NCOR1: variants seen among roughly 807,000 people sequenced by gnomAD.
The protein encoded by NCOR1 is protein phosphatase 1, regulatory subunit 109.
NCOR1 carries 63 observed loss-of-function variants against 288.1 expected under a neutral mutation model. That is an observed-to-expected ratio of 0.22 (90% confidence interval 0.18 to 0.27). The LOEUF (loss-of-function observed/expected upper bound fraction) is 0.27, where lower values mean the gene tolerates loss of function less well. Ranked by LOEUF, NCOR1 falls within the 10% of genes least tolerant of loss-of-function variation. The probability of loss-of-function intolerance (pLI) is 1.00; values close to 1 mark genes in which losing one functional copy is unlikely to be tolerated. For synonymous variants in NCOR1, 1,007 were observed against 1,065.9 expected, an observed-to-expected ratio of 0.94 and a Z score of 1.08; for missense variants, 2,397 against 3,019.2, an observed-to-expected ratio of 0.79 and a Z score of 4.83.
intron 4 of NCOR1, among the ~76,000 whole-genome samples, chr17:16,168,254 GCAATGGCA>G (rs1190074907): frequency 1.3e-5 from 2 of 152,132 alleles, no homozygotes; most frequent in East Asian, 1.9e-4. Flanking sequence ...AGGCTGGAGT[GCAATGGCA>G]CAATCTCAGC....
intron 14 of NCOR1, among the ~76,000 whole-genome samples, chr17:16,126,426 G>C (rs2074057130): frequency 6.6e-6 from 1 of 151,928 alleles, no homozygotes; most frequent in Admixed American, 6.6e-5. Flanking sequence ...CATAGCATTT[G>C]GACCCACGAG....
At chr17:16,151,811 TA>T in intron 8 of NCOR1, 134 bp downstream of exon 8, 1 of 944,268 alleles carries the variant, frequency 1.1e-6, no homozygotes, top group Non-Finnish European at 1.6e-6. Flanking sequence ...TAACATATAA[TA>T]AAACGACAGC....
chr17:16,180,459 A>G (rs1319350363), intron 3 of NCOR1, among the ~76,000 whole-genome samples: 1 of 152,172 alleles, frequency 6.6e-6, no homozygotes, highest in East Asian at 1.9e-4. Context: ...CCACCTCATA[A>G]AGATATCTGG....
At chr17:16,047,840 T>C (rs71358386) in intron 41 of NCOR1, among the ~76,000 whole-genome samples, 6,036 of 152,264 alleles carry the variant, frequency 0.04, 171 homozygotes, top group Non-Finnish European at 0.059. Context: ...ACGTACTCTA[T>C]GCCAGGAAAG....
intron 3 of NCOR1, 117 bp downstream of exon 3, chr17:16,186,437 A>C: frequency 9.1e-7 from 1 of 1,094,496 alleles, no homozygotes; most frequent in South Asian, 1.9e-5. Context: ...CTCAAAATGC[A>C]AACTATAAAT....
At chr17:16,194,731 C>T in intron 1 of NCOR1, 92 bp from the exon 2 acceptor site, 2 of 434,554 alleles carry the variant, frequency 4.6e-6, no homozygotes, top group Non-Finnish European at 8.3e-6. Flanking sequence ...TAAATAAAAC[C>T]ACAATTACCA....
Position 16,177,106 on chromosome 17 carries a change from A to T in NCOR1, c.243-5111T>A, listed in dbSNP as rs149803374. On this transcript the variant is annotated intron_variant, in intron 3 of 45. Coordinates refer to ENST00000268712, the MANE Select transcript of NCOR1 (RefSeq NM_006311.4). ...CTGCACTCACTCTAATTATATCAAG[A>T]CTTTGTTCTAAGACAAGGTTTACCT... 8.7e-4 allele frequency among the ~76,000 whole-genome samples: 133 copies of T among 152,036 alleles called. 4 individuals carry two copies. The highest frequency in any genetic ancestry group is 3.1e-3 in the African/African-American group (129 of 41,364).
At chr17:16,205,643 GA>G (rs35190516) in intron 1 of NCOR1, among the ~76,000 whole-genome samples, 24 of 132,614 alleles carry the variant, frequency 1.8e-4, no homozygotes, top group African/African-American at 2.2e-4. Flanking sequence ...AAGAAAAGAA[GA>G]AAAAAAAAAA....
At chr17:16,182,800 A>C (rs2085768829) in intron 3 of NCOR1, among the ~76,000 whole-genome samples, 1 of 152,208 alleles carries the variant, frequency 6.6e-6, no homozygotes, top group Admixed American at 6.5e-5. Flanking sequence ...AGTGATCAGT[A>C]AAATGCTATT....
Position 16,048,992 on chromosome 17 carries a change from TTG to T in NCOR1, c.6393-6_6393-5del, listed in dbSNP as rs2058991705. On this transcript the variant is annotated splice_region_variant and splice_polypyrimidine_tract_variant and intron_variant, in intron 40 of 45. Transcript: ENST00000268712. Reference sequence around the variant, plus strand: ...CTCTGGGGATTTTCCAGGCCTACTATTGTAATATGTGAAATATTAGATTGTGT... The same window carrying T: ...CTCTGGGGATTTTCCAGGCCTACTATTAATATGTGAAATATTAGATTGTGT... 1.9e-6 allele frequency: 3 copies of T among 1,597,464 alleles called. No homozygotes were observed. Among genetic ancestry groups the T allele is most frequent in the Non-Finnish European group, 2.6e-6 (3 of 1,169,014 alleles).
intron 40 of NCOR1, among the ~76,000 whole-genome samples, chr17:16,053,017 T>C (rs1253334371): frequency 1.3e-5 from 2 of 152,084 alleles, no homozygotes; most frequent in African/African-American, 2.4e-5. Context: ...AAACTCTCAG[T>C]AAACTAGATA....
At chr17:16,191,635 C>G (rs1176234136) in intron 2 of NCOR1, among the ~76,000 whole-genome samples, 1 of 151,640 alleles carries the variant, frequency 6.6e-6, no homozygotes, top group Non-Finnish European at 1.5e-5. Context: ...AACAGAGGTC[C>G]AGTGAACTGT....
At chr17:16,118,920 A>C (rs2072364812) in intron 17 of NCOR1, among the ~76,000 whole-genome samples, 1 of 152,212 alleles carries the variant, frequency 6.6e-6, no homozygotes, top group Admixed American at 6.5e-5. Context: ...CAGGACTCAA[A>C]CCTTCGCTGG....
chr17:16,053,380 G>A (rs2059536930), intron 40 of NCOR1, among the ~76,000 whole-genome samples: 2 of 152,104 alleles, frequency 1.3e-5, no homozygotes, highest in South Asian at 2.1e-4. Flanking sequence ...AATCACTAGC[G>A]TTCCTATACA....
At position 16,186,702 on chromosome 17, in the gene NCOR1, A is replaced by T. The variant is rs1233552127; in HGVS notation, c.109-15T>A. 1.9e-6 allele frequency: 3 copies of T among 1,606,844 alleles called. No homozygotes were observed. In the African/African-American group the frequency reaches 4.0e-5, roughly 22 times the overall value. ...ACTGCGAACTCCTAGTATTAAAATA[A>T]TCATAAATCAATTATTAACCAAAAA... On this transcript the variant is annotated splice_polypyrimidine_tract_variant and intron_variant, in intron 2 of 45. Coordinates refer to ENST00000268712, the MANE Select transcript of NCOR1 (RefSeq NM_006311.4).
chr17:16,057,784 C>CAAA, intron 39 of NCOR1, 47 bp from the exon 40 acceptor site: 1 of 1,343,110 alleles, frequency 7.4e-7, no homozygotes, highest in Non-Finnish European at 1.0e-6. Flanking sequence ...TGAGTACTTG[C>CAAA]AAAAAAAAAA....
chr17:16,068,114 A>C lies in NCOR1; in HGVS notation c.4521T>G (p.Ile1507Met). Residue 1507 changes from isoleucine to methionine, a missense_variant, in exon 32 of 46, where the codon ATT (isoleucine) becomes ATG (methionine). This residue lies in a region of NCOR1 where 1,872 missense variants were observed against 2,187.8 expected (regional missense o/e 0.86). Transcript: ENST00000268712. ...PMMNRTSDVT[I>M]SSNKSTNHER... ...CATGATTGGTAGACTTGTTAGAAGA[A>C]ATTGTAACTGGAAAAAAAGAGCCAA... The C allele has an allele frequency of 6.2e-7, 1 of 1,606,974 alleles. No individual in the cohort carries two copies. Among genetic ancestry groups the C allele is most frequent in the Non-Finnish European group, 8.5e-7 (1 of 1,175,664 alleles).
intron 42 of NCOR1, among the ~76,000 whole-genome samples, chr17:16,045,322 T>C (rs1004516773): frequency 2.6e-5 from 4 of 152,108 alleles, no homozygotes; most frequent in Non-Finnish European, 5.9e-5. Flanking sequence ...TTACTAGATA[T>C]GTAACCTGTG....
chr17:16,187,794 G>A (rs2086998537), intron 2 of NCOR1, among the ~76,000 whole-genome samples: 1 of 151,764 alleles, frequency 6.6e-6, no homozygotes, highest in African/African-American at 2.4e-5. Flanking sequence ...CGGCTACTCT[G>A]TAGGCTAAGG....
Sources: allele counts gnomAD v4.1 joint callset (sites outside exome capture counted in the v4.1 genomes callset), GRCh38; gene constraint gnomAD v4.1.1; regional missense constraint gnomAD v4.1.1; transcripts MANE v1.5; gene names NCBI Gene and HGNC (gene_info 2026-07-23, HGNC 2026-07-21).